Variants in FMN1 observed in about 807,000 individuals in gnomAD.
The protein encoded by FMN1 is formin 1.
In FMN1, 110 loss-of-function variants were observed where a neutral mutation model predicts 132.4. That is an observed-to-expected ratio of 0.83 (90% confidence interval 0.71 to 0.97). FMN1 has a LOEUF of 0.97. FMN1 is among the 50% of genes least tolerant of loss of function. The pLI, the probability that FMN1 is intolerant of heterozygous loss-of-function variation, is 0.00. For missense variants in FMN1, 1,792 were observed against 1,705.3 expected (o/e 1.05, Z -0.90); for synonymous variants, 722 against 651.7 (o/e 1.11, Z -1.64).
At chr15:33,068,473 T>A (rs1159193520) in intron 5 of FMN1, among the ~76,000 whole-genome samples, 1 of 152,060 alleles carries the variant, frequency 6.6e-6, no homozygotes, top group East Asian at 1.9e-4. Flanking sequence ...TGGATTATGA[T>A]CAGAGAGGCC....
chr15:33,004,837 A>G (rs1213274377), intron 7 of FMN1, among the ~76,000 whole-genome samples: 1 of 152,244 alleles, frequency 6.6e-6, no homozygotes, highest in Non-Finnish European at 1.5e-5. Flanking sequence ...GCACATATAC[A>G]CCATGGAATA....
rs139804451 is a variant in FMN1 at position 33,121,457 on chromosome 15, A to G, written c.1867+31591T>C. Among the ~76,000 whole-genome samples, 592 of 152,324 alleles carry G rather than the reference A, an allele frequency of 3.9e-3. 9 individuals carry two copies. The highest frequency in any genetic ancestry group is 0.03 in the Admixed American group (459 of 15,290). ...TTTCCAGTATTACATGTAGTTCTAT[A>G]TGATACAAAGGTAGAAATCATTTGT... is the stretch of plus-strand genomic sequence containing the variant. On this transcript the variant is annotated intron_variant, in intron 4 of 20. Transcript: ENST00000616417.
intron 5 of FMN1, among the ~76,000 whole-genome samples, chr15:33,083,444 T>C (rs764942591): frequency 2.6e-5 from 4 of 152,078 alleles, no homozygotes; most frequent in Non-Finnish European, 5.9e-5. Flanking sequence ...GGGTTGGCAT[T>C]TTGCGTCCCA....
At chr15:33,185,158 T>C (rs1965836980) in intron 2 of FMN1, among the ~76,000 whole-genome samples, 1 of 152,172 alleles carries the variant, frequency 6.6e-6, no homozygotes, top group African/African-American at 2.4e-5. Context: ...GTAATCCAGT[T>C]CTCAACCCCA....
In FMN1 at chr15:33,046,914, G is replaced by A. The variant is rs117174794; in HGVS notation, c.2161+18043C>T. Among the ~76,000 whole-genome samples the A allele has an allele frequency of 1.2e-4, 18 of 152,278 alleles. No homozygotes were observed. The East Asian group carries it at 2.1e-3, about 18-fold the overall frequency. The stretch of plus-strand genomic sequence containing the variant: ...CGGTTCTATCATAAGGAAGAATACC[G>A]TAGGATAAAACATGGGCTTAGAACC... On this transcript the variant is annotated intron_variant, in intron 6 of 20. Coordinates refer to ENST00000616417, the MANE Select transcript of FMN1 (RefSeq NM_001277313.2).
chr15:33,077,230 TCTCTATGTTG>T (rs2038247746), intron 5 of FMN1, among the ~76,000 whole-genome samples: 1 of 151,984 alleles, frequency 6.6e-6, no homozygotes, highest in Non-Finnish European at 1.5e-5. Context: ...AGATAGGGTT[TCTCTATGTTG>T]CTCAGGCTGG....
At chr15:32,825,789 C>T (rs2058349375) in intron 17 of FMN1, among the ~76,000 whole-genome samples, 1 of 152,142 alleles carries the variant, frequency 6.6e-6, no homozygotes, top group East Asian at 1.9e-4. Context: ...AGGATTGGCT[C>T]TCCTGACTAC....
chr15:33,148,453 G>A (rs1480422612), intron 4 of FMN1, among the ~76,000 whole-genome samples: 2 of 152,160 alleles, frequency 1.3e-5, no homozygotes, highest in Admixed American at 1.3e-4. Flanking sequence ...TCTTGGCCCT[G>A]GAAGGCTGAC....
chr15:33,019,287 C>G (rs548507848), intron 6 of FMN1, among the ~76,000 whole-genome samples: 2 of 152,178 alleles, frequency 1.3e-5, no homozygotes, highest in African/African-American at 4.8e-5. Flanking sequence ...AAACCCTGAG[C>G]GGGACACAGA....
chr15:32,852,982 G>A (rs1278220604), intron 17 of FMN1, among the ~76,000 whole-genome samples: 2 of 152,242 alleles, frequency 1.3e-5, no homozygotes, highest in South Asian at 2.1e-4. Flanking sequence ...TCATCCTTCT[G>A]AGACTTGCAG....
intron 19 of FMN1, among the ~76,000 whole-genome samples, chr15:32,792,656 C>A (rs1472083799): frequency 1.3e-5 from 2 of 152,100 alleles, no homozygotes; most frequent in South Asian, 4.1e-4. Context: ...CCTGGTCTCC[C>A]TTGTGTATGG....
intron 7 of FMN1, among the ~76,000 whole-genome samples, chr15:32,982,425 A>G (rs1481093540): frequency 6.6e-6 from 1 of 152,196 alleles, no homozygotes; most frequent in Admixed American, 6.5e-5. Flanking sequence ...CATTTGCCCA[A>G]GTGAAACAAA....
At chr15:33,180,031 C>G (rs940444337) in intron 3 of FMN1, among the ~76,000 whole-genome samples, 167 bp downstream of exon 3, 3 of 152,124 alleles carry the variant, frequency 2.0e-5, no homozygotes, top group African/African-American at 7.2e-5. Flanking sequence ...CTCTGTAGTA[C>G]AGCATGGGCA....
At chr15:32,780,863 G>C (rs912917005) in intron 19 of FMN1, among the ~76,000 whole-genome samples, 2 of 151,944 alleles carry the variant, frequency 1.3e-5, no homozygotes, top group Non-Finnish European at 2.9e-5. Context: ...GCTACACTGT[G>C]CGTATAATTT....
At chr15:32,940,549 C>T (rs994933165) in intron 9 of FMN1, among the ~76,000 whole-genome samples, 7 of 151,958 alleles carry the variant, frequency 4.6e-5, no homozygotes, top group African/African-American at 9.7e-5. Context: ...CTCAGGTATA[C>T]GATCCTTGAA....
chr15:32,896,833 T>G (rs1428847233), intron 15 of FMN1, among the ~76,000 whole-genome samples: 1 of 152,216 alleles, frequency 6.6e-6, no homozygotes, highest in Non-Finnish European at 1.5e-5. Flanking sequence ...TAGATTTGTT[T>G]CCAAATCTTA....
intron 3 of FMN1, among the ~76,000 whole-genome samples, chr15:33,167,373 C>T (rs1442083112): frequency 2.0e-5 from 3 of 152,196 alleles, no homozygotes; most frequent in Non-Finnish European, 4.4e-5. Flanking sequence ...TGTGAAGCCT[C>T]CCCAGCCGTG....
At chr15:32,876,237 T>C (rs989808661) in intron 16 of FMN1, among the ~76,000 whole-genome samples, 4 of 152,368 alleles carry the variant, frequency 2.6e-5, no homozygotes, top group African/African-American at 9.6e-5. Flanking sequence ...TGAAATTATG[T>C]AATTTAATGA....
chr15:32,776,916 C>A lies in FMN1; in HGVS notation c.4134G>T (p.Leu1378Phe). 1 of 1,573,944 alleles carries A rather than the reference C, an allele frequency of 6.4e-7. No individual in the cohort carries two copies. Among genetic ancestry groups the A allele is most frequent in the East Asian group, 2.3e-5 (1 of 44,248 alleles). Residue 1378 changes from leucine to phenylalanine, a missense_variant, in exon 20 of 21, where the codon TTG becomes TTT. Leu to Phe is a conservative substitution (Grantham distance 22, BLOSUM62 0). Around this residue, in one of 3 missense-constraint regions of FMN1, gnomAD observed 1,150 missense variants for 1,043.1 expected, o/e 1.10. Coordinates refer to ENST00000616417, the MANE Select transcript of FMN1 (RefSeq NM_001277313.2). ...TGCTGACTGATTCCTGAGCCATTTT[C>A]AATCTGAAATAGAAATAGGGAAAAG... Reference protein sequence around the residue: ...RESKNISKERLKMAQESVSKL... With the variant: ...RESKNISKERFKMAQESVSKL...
Sources: gnomAD v4.1 joint callset for allele counts (sites outside exome capture counted in the v4.1 genomes callset) on GRCh38, gnomAD v4.1.1 for gene constraint, gnomAD v4.1.1 regional missense constraint, MANE v1.5 for transcripts, NCBI Gene and HGNC (gene_info 2026-07-23, HGNC 2026-07-21) for gene names.